The following ANO2 variants were observed in gnomAD, a reference collection of about 807,000 sequenced individuals.
The protein encoded by ANO2 is anoctamin 2, also known as anoctamin-2.
ANO2 carries 101 observed loss-of-function variants against 124.2 expected under a neutral mutation model. That is an observed-to-expected ratio of 0.81 (90% CI 0.69 to 0.96). The LOEUF is 0.96. Ranked by LOEUF, ANO2 falls within the 40% of genes least tolerant of loss-of-function variation. The pLI is 0.00. For synonymous variants in ANO2, 486 were observed against 482.5 expected (o/e 1.01, Z -0.09); for missense variants, 1,293 against 1,274.5 (o/e 1.01, Z -0.22).
intron 3 of ANO2, among the ~76,000 whole-genome samples, chr12:5,914,849 C>T (rs1241810137): frequency 6.6e-6 from 1 of 152,214 alleles, no homozygotes; most frequent in African/African-American, 2.4e-5. Flanking sequence ...GCCTGGTTCT[C>T]AGACCCCTCC....
intron 4 of ANO2, among the ~76,000 whole-genome samples, chr12:5,837,332 T>A (rs1954359211): frequency 5.0e-5 from 1 of 19,850 alleles, no homozygotes; most frequent in Non-Finnish European, 1.9e-4. Flanking sequence ...GCCTTTTTTT[T>A]TTTTTTTAAA....
At chr12:5,688,118 A>T (rs946522918) in intron 14 of ANO2, among the ~76,000 whole-genome samples, 1 of 152,204 alleles carries the variant, frequency 6.6e-6, no homozygotes, top group Admixed American at 6.5e-5. Flanking sequence ...GGGGGAACAG[A>T]AACAAAGAAT....
intron 14 of ANO2, among the ~76,000 whole-genome samples, chr12:5,705,450 C>G (rs921373192): frequency 6.6e-6 from 1 of 152,214 alleles, no homozygotes; most frequent in Non-Finnish European, 1.5e-5. Context: ...TTCCCCTCGT[C>G]ACCCACCAGG....
intron 16 of ANO2, among the ~76,000 whole-genome samples, chr12:5,621,729 A>T (rs1049293060): frequency 3.3e-5 from 5 of 152,040 alleles, no homozygotes; most frequent in African/African-American, 1.2e-4. Flanking sequence ...CTTCCAGATG[A>T]GCATGGGGAA....
At chr12:5,844,021 C>T (rs952936029) in intron 4 of ANO2, among the ~76,000 whole-genome samples, 2 of 151,860 alleles carry the variant, frequency 1.3e-5, no homozygotes, top group Non-Finnish European at 2.9e-5. Flanking sequence ...ACTAAGAGTC[C>T]GGAAAAGGTA....
At chr12:5,581,097 G>C (rs1330841071) in intron 20 of ANO2, among the ~76,000 whole-genome samples, 1 of 152,216 alleles carries the variant, frequency 6.6e-6, no homozygotes, top group Non-Finnish European at 1.5e-5. Flanking sequence ...GATAAGGCCA[G>C]GAGGGTGTGG....
chr12:5,854,213 G>T, intron 3 of ANO2, 72 bp from the exon 4 acceptor site: 2 of 1,391,090 alleles, frequency 1.4e-6, no homozygotes, highest in Non-Finnish European at 1.0e-6. Context: ...TTCTTCAACT[G>T]TTCCACACAA....
intron 10 of ANO2, among the ~76,000 whole-genome samples, chr12:5,796,514 A>C (rs1363235385): frequency 2.0e-5 from 3 of 150,632 alleles, no homozygotes; most frequent in Admixed American, 6.6e-5. Context: ...CTCTCACACG[A>C]ACACATTCTC....
chr12:5,756,270 T>C (rs1449001404), intron 10 of ANO2, among the ~76,000 whole-genome samples: 3 of 152,058 alleles, frequency 2.0e-5, no homozygotes, highest in South Asian at 2.1e-4. Context: ...ATACTCCTAA[T>C]TGTGTTTAGC....
intron 14 of ANO2, among the ~76,000 whole-genome samples, chr12:5,653,437 T>G (rs1160025786): frequency 6.6e-6 from 1 of 152,218 alleles, no homozygotes; most frequent in Non-Finnish European, 1.5e-5. Flanking sequence ...CTGAGCAACC[T>G]AGGGCATATT....
intron 16 of ANO2, among the ~76,000 whole-genome samples, chr12:5,622,686 C>A (rs537397150): frequency 6.6e-6 from 1 of 152,250 alleles, no homozygotes; most frequent in East Asian, 1.9e-4. Context: ...AGAAATGGAG[C>A]AAGTGGGCAG....
At chr12:5,885,691 G>C (rs1443800960) in intron 3 of ANO2, among the ~76,000 whole-genome samples, 8 of 152,262 alleles carry the variant, frequency 5.3e-5, no homozygotes, top group Non-Finnish European at 1.5e-5. Flanking sequence ...AGCTAGCCCC[G>C]AGTTCTTTGA....
chr12:5,918,881 A>C (rs1320418260), intron 3 of ANO2, among the ~76,000 whole-genome samples: 1 of 152,180 alleles, frequency 6.6e-6, no homozygotes, highest in Non-Finnish European at 1.5e-5. Flanking sequence ...TGCTCCATCT[A>C]ATGATGAGGC....
At chr12:5,589,183 CCCA>C (rs745344361) in intron 20 of ANO2, among the ~76,000 whole-genome samples, 3 of 152,196 alleles carry the variant, frequency 2.0e-5, no homozygotes, top group African/African-American at 4.8e-5. Flanking sequence ...CATCTTCTCT[CCCA>C]CCAAGCTAGT....
chr12:5,740,631 G>A (rs532208148), intron 12 of ANO2, among the ~76,000 whole-genome samples: 2 of 152,164 alleles, frequency 1.3e-5, no homozygotes, highest in Non-Finnish European at 2.9e-5. Context: ...GTGGGCCTGC[G>A]AAGAGAAGTG....
At chr12:5,578,752 G>A (rs1202161087) in intron 20 of ANO2, among the ~76,000 whole-genome samples, 1 of 152,176 alleles carries the variant, frequency 6.6e-6, no homozygotes, top group African/African-American at 2.4e-5. Context: ...GGCATGGTGG[G>A]GAGATACAAG....
chr12:5,627,760 A>G (rs1318092051), intron 16 of ANO2, among the ~76,000 whole-genome samples: 2 of 152,066 alleles, frequency 1.3e-5, no homozygotes, highest in African/African-American at 4.8e-5. Flanking sequence ...GCCTTTTGCT[A>G]GAGTAGCTTA....
At chr12:5,820,943 C>T (rs1953776116) in intron 7 of ANO2, among the ~76,000 whole-genome samples, 1 of 152,232 alleles carries the variant, frequency 6.6e-6, no homozygotes, top group Non-Finnish European at 1.5e-5. Context: ...TCCATTAGGC[C>T]CACCAGAAGC....
At chr12:5,665,647 C>T (rs956526821) in intron 14 of ANO2, among the ~76,000 whole-genome samples, 31 of 152,076 alleles carry the variant, frequency 2.0e-4, no homozygotes, top group Non-Finnish European at 3.7e-4. Flanking sequence ...TTCACCTGAG[C>T]GAGCCTCTCC....
Sources: gnomAD v4.1 joint callset for allele counts (sites outside exome capture counted in the v4.1 genomes callset) on GRCh38, gnomAD v4.1.1 for gene constraint, MANE v1.5 for transcripts, NCBI Gene and HGNC (gene_info 2026-07-23, HGNC 2026-07-21) for gene names.